The following SLC9A8 variants were observed in gnomAD, a reference collection of about 807,000 sequenced individuals.
SLC9A8 encodes solute carrier family 9 member A8.
In SLC9A8, 48 loss-of-function variants were observed where a neutral mutation model predicts 66.6. That is an observed-to-expected ratio of 0.72 (90% CI 0.57 to 0.92). The LOEUF is 0.92. SLC9A8 is among the 40% of genes least tolerant of loss of function. SLC9A8 has a pLI of 0.00. For synonymous variants in SLC9A8, 274 were observed against 282.6 expected (o/e 0.97, Z 0.31); for missense variants, 599 against 747.3 (o/e 0.80, Z 2.31).
At chr20:49,874,844 C>G (rs926876707) in intron 11 of SLC9A8, 23 bp downstream of exon 11, 6 of 1,473,964 alleles carry the variant, frequency 4.1e-6, no homozygotes, top group Non-Finnish European at 4.8e-6. Context: ...TCTGTGTGGC[C>G]GTGAGCAGGC....
At chr20:49,832,158 A>G (rs6020075) in intron 3 of SLC9A8, among the ~76,000 whole-genome samples, 102,202 of 152,016 alleles carry the variant, frequency 0.67, 35,639 homozygotes, top group African/African-American at 0.86. Flanking sequence ...CCTTCTCCCC[A>G]CCTTCCTCTC....
intron 3 of SLC9A8, among the ~76,000 whole-genome samples, chr20:49,835,199 T>G (rs1600682528): frequency 1.3e-5 from 2 of 152,108 alleles, no homozygotes; most frequent in Middle Eastern, 6.8e-3. Flanking sequence ...GGTTTGTTTT[T>G]TTTTTTGTGA....
intron 3 of SLC9A8, chr20:49,830,563 G>T (rs146340808): frequency 6.3e-5 from 39 of 618,472 alleles, no homozygotes; most frequent in Non-Finnish European, 1.0e-4. Flanking sequence ...TCCAGGTCGG[G>T]GGGTCGCTTT....
rs557841146 is a variant in SLC9A8 at position 49,888,313 on chromosome 20, C to T, written c.*377C>T. 2 of 192,162 alleles carry T rather than the reference C, an allele frequency of 1.0e-5. No individual in the cohort carries two copies. The highest frequency in any genetic ancestry group is 1.4e-4 in the South Asian group (2 of 13,944). 11.9% of individuals were successfully genotyped at this position (192,162 alleles called of 1,614,324 possible). ...GAGCACCATCTACAGTTGTGCCATT[C>T]CCCAGCCACTGCCTTCATGCTGCCC... On this transcript the variant is annotated 3_prime_UTR_variant, in exon 16 of 16. Coordinates refer to ENST00000361573, the MANE Select transcript of SLC9A8 (RefSeq NM_015266.3).
rs1479055075 is a variant in SLC9A8 at position 49,834,214 on chromosome 20, T to TATAC, written c.290-5326_290-5325insTACA. ...ATATATATATATATATATATATATA[T>TATAC]ACACACACACACTATGTATATACAC... is the stretch of plus-strand genomic sequence containing the variant. On this transcript the variant is annotated intron_variant, in intron 3 of 15. Coordinates refer to ENST00000361573, the MANE Select transcript of SLC9A8 (RefSeq NM_015266.3). Among the ~76,000 whole-genome samples, 674 of 111,706 alleles carry TATAC rather than the reference T, an allele frequency of 6.0e-3. 11 individuals are homozygous for TATAC. Among genetic ancestry groups the TATAC allele is most frequent in the African/African-American group, 0.013 (331 of 25,906 alleles). 73.3% of individuals were successfully genotyped at this position (111,706 alleles called of 152,430 possible).
chr20:49,880,464 G>C (rs147501451), intron 12 of SLC9A8, among the ~76,000 whole-genome samples: 1 of 152,242 alleles, frequency 6.6e-6, no homozygotes, highest in African/African-American at 2.4e-5. Flanking sequence ...GTCCTTCATA[G>C]CTGCCCTCCT....
At chr20:49,876,138 G>T (rs6020099) in intron 11 of SLC9A8, among the ~76,000 whole-genome samples, 22,179 of 152,066 alleles carry the variant, frequency 0.15, 2,884 homozygotes, top group African/African-American at 0.35. Flanking sequence ...CTCAGGTGAG[G>T]AGTAGTCACA....
At chr20:49,828,911 C>G (rs1194475993) in intron 3 of SLC9A8, among the ~76,000 whole-genome samples, 1 of 133,322 alleles carries the variant, frequency 7.5e-6, no homozygotes, top group Non-Finnish European at 1.7e-5. Context: ...GCATGGCACA[C>G]AGTATAGATG....
At chr20:49,844,925 T>G in intron 4 of SLC9A8, 111 bp from the exon 5 acceptor site, 1 of 670,098 alleles carries the variant, frequency 1.5e-6, no homozygotes, top group Non-Finnish European at 2.6e-6. Flanking sequence ...ACATTATATG[T>G]TTCCACTAGG....
chr20:49,840,978 C>T (rs2087732590), intron 4 of SLC9A8, among the ~76,000 whole-genome samples: 1 of 150,482 alleles, frequency 6.6e-6, no homozygotes, highest in Admixed American at 6.6e-5. Flanking sequence ...AAAAAAAGAT[C>T]AAAATTTGAA....
intron 5 of SLC9A8, 69 bp from the exon 6 acceptor site, chr20:49,849,510 G>T: frequency 8.4e-7 from 1 of 1,195,964 alleles, no homozygotes; most frequent in South Asian, 1.2e-5. Context: ...GGCCAGGTGT[G>T]CAGGCCGTGC....
chr20:49,817,933 T>C (rs1191916238), intron 2 of SLC9A8, among the ~76,000 whole-genome samples: 1 of 152,194 alleles, frequency 6.6e-6, no homozygotes, highest in Non-Finnish European at 1.5e-5. Flanking sequence ...AAGAAATCTT[T>C]AGTAGCTGAA....
At chr20:49,857,717 T>TA (rs963180060) in intron 8 of SLC9A8, among the ~76,000 whole-genome samples, 20 of 152,128 alleles carry the variant, frequency 1.3e-4, no homozygotes, top group African/African-American at 3.6e-4. Context: ...GACTCTGTTT[T>TA]AAAAAAAACA....
chr20:49,830,794 C>T, intron 3 of SLC9A8: 1 of 972,954 alleles, frequency 1.0e-6, no homozygotes, highest in East Asian at 2.4e-5. Context: ...GAGGTGCTGA[C>T]CCTGGCCTAG....
At chr20:49,840,285 G>A (rs1174158662) in intron 4 of SLC9A8, among the ~76,000 whole-genome samples, 1 of 152,164 alleles carries the variant, frequency 6.6e-6, no homozygotes, top group Non-Finnish European at 1.5e-5. Flanking sequence ...TGGGGTGCAA[G>A]TACTCATTGA....
rs991004406 is a variant in SLC9A8 at position 49,888,272 on chromosome 20, G to A, written c.*336G>A. 79 of 302,428 alleles carry A rather than the reference G, an allele frequency of 2.6e-4. 1 individual carries two copies. Among genetic ancestry groups the A allele is most frequent in the South Asian group, 1.9e-3 (67 of 35,798 alleles). The allele number at this position is 302,428 out of a possible 1,614,324, so 18.7% of individuals were successfully genotyped here. A position where few individuals can be genotyped will look rare whatever the true frequency, so the allele number is the denominator to read the frequency against. On this transcript the variant is annotated 3_prime_UTR_variant, in exon 16 of 16. Transcript: ENST00000361573. ...ACCCCCCCACCCGGAGGACCCCTGC[G>A]GCCCCCTGCCTAGAGGAGCACCATC... is the stretch of plus-strand genomic sequence containing the variant.
intron 3 of SLC9A8, among the ~76,000 whole-genome samples, chr20:49,835,328 G>C (rs991314957): frequency 2.6e-5 from 4 of 151,726 alleles, no homozygotes; most frequent in Non-Finnish European, 5.9e-5. Flanking sequence ...TGGTTCAAAA[G>C]GTTGTGATTT....
rs766452548 is a variant in SLC9A8 at position 49,883,908 on chromosome 20, C to T, written c.1333C>T (p.Arg445Trp). ...LHLDLEPMEK[R>W]QLIGTTTIVI... Reference sequence around the variant, plus strand: ...CCTGGACCTGGAGCCCATGGAGAAGCGGCAGCTCATCGGCACCACCACCAT... The same window carrying T: ...CCTGGACCTGGAGCCCATGGAGAAGTGGCAGCTCATCGGCACCACCACCAT... Residue 445 changes from arginine (R) to tryptophan (W), a missense_variant, in exon 14 of 16, where the codon CGG (arginine) becomes TGG (tryptophan). Arg to Trp is a moderately radical substitution (Grantham distance 101). This residue lies in a region of SLC9A8 where 467 missense variants were observed against 626.5 expected (regional missense o/e 0.75). Coordinates refer to ENST00000361573, the MANE Select transcript of SLC9A8 (RefSeq NM_015266.3). 26 of 1,610,952 alleles carry T rather than the reference C, an allele frequency of 1.6e-5. No individual in the cohort carries two copies. The highest frequency in any genetic ancestry group is 2.2e-5 in the Non-Finnish European group (26 of 1,179,990).
At chr20:49,874,669 C>T (rs780439339) in intron 10 of SLC9A8, 36 bp from the exon 11 acceptor site, 10 of 1,290,510 alleles carry the variant, frequency 7.7e-6, no homozygotes, top group Non-Finnish European at 1.0e-5. Context: ...GGGGATCACA[C>T]GGCAGTGCTT....
Sources: gnomAD v4.1 joint callset for allele counts (sites outside exome capture counted in the v4.1 genomes callset) on GRCh38, gnomAD v4.1.1 for gene constraint, gnomAD v4.1.1 regional missense constraint, MANE v1.5 for transcripts, NCBI Gene and HGNC (gene_info 2026-07-23, HGNC 2026-07-21) for gene names.